Variants in MED27 observed in about 807,000 individuals in gnomAD.
The protein encoded by MED27 is mediator complex subunit 27.
A neutral mutation model predicts 38.2 loss-of-function variants in MED27; 30 were observed. The ratio of observed to expected loss-of-function variants is 0.79; its 90% confidence interval spans 0.59 to 1.07. The LOEUF (loss-of-function observed/expected upper bound fraction) is 1.07. Ranked by LOEUF, MED27 falls within the 50% of genes least tolerant of loss-of-function variation. The probability of loss-of-function intolerance (pLI) is 0.00; values close to 1 mark genes in which losing one functional copy is unlikely to be tolerated. For synonymous variants in MED27, 122 were observed against 153.5 expected (o/e 0.79, Z 1.52); for missense variants, 289 against 397.5 (o/e 0.73, Z 2.32).
intron 2 of MED27, chr9:132,073,335 TAA>T: frequency 1.3e-5 from 13 of 991,706 alleles, no homozygotes; most frequent in Non-Finnish European, 1.4e-5. Context: ...GGTTGTAAAT[TAA>T]AAATTCAACA....
chr9:131,986,382 T>C (rs1240038035), intron 3 of MED27, among the ~76,000 whole-genome samples: 2 of 152,190 alleles, frequency 1.3e-5, no homozygotes, highest in African/African-American at 2.4e-5. Flanking sequence ...AGGGTCTTGC[T>C]ATGTCGCCCA....
At chr9:132,018,475 C>G (rs958866424) in intron 2 of MED27, among the ~76,000 whole-genome samples, 4 of 152,218 alleles carry the variant, frequency 2.6e-5, no homozygotes, top group African/African-American at 9.6e-5. Flanking sequence ...TCTCCACTTG[C>G]ATGATGTCTT....
chr9:131,888,150 C>T (rs1427046881), intron 5 of MED27, among the ~76,000 whole-genome samples: 1 of 152,254 alleles, frequency 6.6e-6, no homozygotes, highest in Non-Finnish European at 1.5e-5. Flanking sequence ...ACCTCCATCA[C>T]AACCAGCAAG....
intron 2 of MED27, among the ~76,000 whole-genome samples, chr9:132,059,155 G>A (rs913215995): frequency 2.0e-5 from 3 of 152,108 alleles, no homozygotes; most frequent in South Asian, 2.1e-4. Flanking sequence ...AAGATAAAAG[G>A]GGACAGCTCT....
At chr9:131,884,472 T>C (rs774806282) in intron 5 of MED27, among the ~76,000 whole-genome samples, 10 of 152,198 alleles carry the variant, frequency 6.6e-5, no homozygotes, top group Admixed American at 1.3e-4. Context: ...TTTGCCTGAA[T>C]TGTTTTTCCC....
At chr9:132,057,336 C>T (rs1833602770) in intron 2 of MED27, among the ~76,000 whole-genome samples, 1 of 152,160 alleles carries the variant, frequency 6.6e-6, no homozygotes, top group Non-Finnish European at 1.5e-5. Context: ...AGTCTAGATT[C>T]ACAAGTCACT....
intron 4 of MED27, among the ~76,000 whole-genome samples, chr9:131,937,207 T>C (rs1830701050): frequency 6.6e-6 from 1 of 152,062 alleles, no homozygotes; most frequent in Non-Finnish European, 1.5e-5. Context: ...ATTCCAACTT[T>C]TAATAGTAAA....
intron 3 of MED27, among the ~76,000 whole-genome samples, chr9:131,971,398 G>C (rs958469454): frequency 2.0e-5 from 3 of 152,216 alleles, no homozygotes; most frequent in African/African-American, 7.2e-5. Context: ...TGAGGCAGCG[G>C]AGCCAGGAGG....
intron 2 of MED27, among the ~76,000 whole-genome samples, chr9:132,066,139 C>A (rs1441578133): frequency 6.6e-6 from 1 of 152,242 alleles, no homozygotes; most frequent in East Asian, 1.9e-4. Context: ...GAGAACGGGG[C>A]CAGACCCATA....
chr9:132,018,693 C>T (rs555796414), intron 2 of MED27, among the ~76,000 whole-genome samples: 27 of 152,228 alleles, frequency 1.8e-4, no homozygotes, highest in African/African-American at 6.3e-4. Context: ...CTACAGCATC[C>T]CATCATATGC....
intron 5 of MED27, among the ~76,000 whole-genome samples, chr9:131,893,280 TCAGCTCC>T (rs1166190911): frequency 2.0e-5 from 3 of 152,026 alleles, no homozygotes; most frequent in South Asian, 2.1e-4. Flanking sequence ...ATGAAGGCTG[TCAGCTCC>T]CATCAGCATC....
chr9:131,870,979 T>A (rs1838822013), intron 6 of MED27, among the ~76,000 whole-genome samples: 3 of 152,186 alleles, frequency 2.0e-5, no homozygotes, highest in African/African-American at 7.2e-5. Context: ...CTGCATCAGG[T>A]GGGCATGCCC....
intron 2 of MED27, among the ~76,000 whole-genome samples, chr9:132,067,963 C>T (rs541325802): frequency 1.3e-5 from 2 of 152,254 alleles, no homozygotes; most frequent in South Asian, 2.1e-4. Flanking sequence ...CCGCCCACCT[C>T]GGCCCAAAAT....
chr9:131,973,221 T>A (rs1831520338), intron 3 of MED27, among the ~76,000 whole-genome samples: 1 of 152,194 alleles, frequency 6.6e-6, no homozygotes, highest in Non-Finnish European at 1.5e-5. Context: ...TTCCTCCTTA[T>A]GAACAAAACC....
intron 4 of MED27, among the ~76,000 whole-genome samples, chr9:131,936,171 G>GAA (rs147874050): frequency 6.6e-6 from 1 of 150,502 alleles, no homozygotes; most frequent in Non-Finnish European, 1.5e-5. Context: ...AAGAAAGAAA[G>GAA]AAAAAATCAC....
At chr9:132,034,730 C>A (rs567365195) in intron 2 of MED27, among the ~76,000 whole-genome samples, 1 of 152,292 alleles carries the variant, frequency 6.6e-6, no homozygotes, top group African/African-American at 2.4e-5. Flanking sequence ...CCAGACTATG[C>A]ACTGACTGTG....
At chr9:132,066,832 C>T (rs1252381726) in intron 2 of MED27, among the ~76,000 whole-genome samples, 1 of 152,204 alleles carries the variant, frequency 6.6e-6, no homozygotes, top group Admixed American at 6.5e-5. Flanking sequence ...GTTTGGGAAT[C>T]TTCTACTGCC....
intron 2 of MED27, among the ~76,000 whole-genome samples, chr9:132,071,551 C>T (rs1025912184): frequency 1.3e-5 from 2 of 151,110 alleles, no homozygotes; most frequent in Admixed American, 6.6e-5. Context: ...ACCCCATGAA[C>T]GAGCACACCA....
At chr9:132,038,285 G>A (rs372571735) in intron 2 of MED27, among the ~76,000 whole-genome samples, 988 of 143,912 alleles carry the variant, frequency 6.9e-3, no homozygotes, top group African/African-American at 0.024. Context: ...TCCGCCTCCC[G>A]GGTTCACGCC....
Sources: allele counts gnomAD v4.1 joint callset (sites outside exome capture counted in the v4.1 genomes callset), GRCh38; gene constraint gnomAD v4.1.1; transcripts MANE v1.5; gene names NCBI Gene and HGNC (gene_info 2026-07-23, HGNC 2026-07-21).